Variants in DNAH14 observed in about 807,000 individuals in gnomAD.
DNAH14 encodes the protein axonemal beta dynein heavy chain 14.
Under a neutral mutation model 520.9 loss-of-function variants are expected in DNAH14, and 478 were observed. That is an observed-to-expected ratio of 0.92 (90% CI 0.85 to 0.99). The LOEUF (loss-of-function observed/expected upper bound fraction) is 0.99, where lower values mean the gene tolerates loss of function less well. Ranked by LOEUF, DNAH14 falls within the 50% of genes least tolerant of loss-of-function variation. The pLI is 0.00. For synonymous variants in DNAH14, 1,581 were observed against 1,757.2 expected (o/e 0.90, Z 2.51); for missense variants, 4,831 against 5,234.5 (o/e 0.92, Z 2.38).
chr1:225,069,629 T>C (rs572747661), intron 17 of DNAH14, among the ~76,000 whole-genome samples: 7 of 152,312 alleles, frequency 4.6e-5, no homozygotes, highest in Admixed American at 2.0e-4. Context: ...GTTGAGGACT[T>C]TTGCACTGGT....
At chr1:225,358,835 A>G (rs931542328) in intron 74 of DNAH14, among the ~76,000 whole-genome samples, 183 bp downstream of exon 74, 8 of 152,070 alleles carry the variant, frequency 5.3e-5, no homozygotes, top group Non-Finnish European at 8.8e-5. Flanking sequence ...GAGTCTCTTG[A>G]GATCTGATGA....
chr1:225,241,233 T>C (rs1279697623), intron 43 of DNAH14, among the ~76,000 whole-genome samples: 6 of 152,208 alleles, frequency 3.9e-5, no homozygotes, highest in African/African-American at 1.4e-4. Context: ...GTACTTGTGC[T>C]TTTTGAATCG....
In DNAH14 at chr1:225,374,733, A is replaced by T. The variant is rs1475923339; in HGVS notation, c.12364A>T (p.Ile4122Phe). The T allele has an allele frequency of 1.9e-6, 3 of 1,551,198 alleles. No homozygotes were observed. Residue 4122 changes from isoleucine to phenylalanine, a missense_variant, in exon 78 of 86, where the codon ATT becomes TTT. Physicochemically the swap from Ile to Phe is conservative, Grantham distance 21. Coordinates refer to ENST00000682510, the MANE Select transcript of DNAH14 (RefSeq NM_001367479.1). ...AAATTCCCTGAGAGGACAGCCCAGC[A>T]TTTCGTGGCAAGCACTGCGCTACCT... Reference protein sequence around the residue: ...LENSLRGQPSISWQALRYLIG... With the variant: ...LENSLRGQPSFSWQALRYLIG...
intron 55 of DNAH14, among the ~76,000 whole-genome samples, chr1:225,290,982 C>T (rs2093874985): frequency 1.3e-5 from 2 of 151,904 alleles, no homozygotes; most frequent in African/African-American, 4.8e-5. Context: ...TCCTCTCTAG[C>T]TGTAATTTTG....
At chr1:225,270,572 AT>A (rs2149827635) in intron 49 of DNAH14, among the ~76,000 whole-genome samples, 162 bp from the exon 50 acceptor site, 1 of 152,324 alleles carries the variant, frequency 6.6e-6, no homozygotes, top group East Asian at 1.9e-4. Context: ...TCTAAGATAG[AT>A]TTCTATTACC....
At chr1:225,215,236 C>G (rs1256602615) in intron 41 of DNAH14, among the ~76,000 whole-genome samples, 1 of 152,118 alleles carries the variant, frequency 6.6e-6, no homozygotes, top group African/African-American at 2.4e-5. Flanking sequence ...TTTGTTAATC[C>G]TGAGTTGTAA....
chr1:224,942,359 C>G (rs192324518), intron 1 of DNAH14, among the ~76,000 whole-genome samples: 4 of 152,114 alleles, frequency 2.6e-5, no homozygotes, highest in African/African-American at 9.7e-5. Context: ...GATTTTGTAT[C>G]CTGGGACTTT....
At chr1:225,083,643 A>G (rs2073396239) in intron 20 of DNAH14, among the ~76,000 whole-genome samples, 1 of 152,074 alleles carries the variant, frequency 6.6e-6, no homozygotes. Flanking sequence ...CATTCTTCCA[A>G]TTGTTTACAC....
At chr1:225,078,693 C>T (rs1204066217) in intron 17 of DNAH14, among the ~76,000 whole-genome samples, 1 of 151,668 alleles carries the variant, frequency 6.6e-6, no homozygotes, top group Non-Finnish European at 1.5e-5. Flanking sequence ...GGGTGGACTT[C>T]CCCCTTGCTG....
chr1:225,257,037 A>AC (rs1233804226), intron 44 of DNAH14, among the ~76,000 whole-genome samples: 3 of 152,270 alleles, frequency 2.0e-5, no homozygotes, highest in East Asian at 1.9e-4. Context: ...ATCAGCAGAG[A>AC]CCCCCAGGCA....
At chr1:225,057,401 T>G (rs912754002) in intron 17 of DNAH14, among the ~76,000 whole-genome samples, 1 of 152,204 alleles carries the variant, frequency 6.6e-6, no homozygotes, top group African/African-American at 2.4e-5. Context: ...TTTGCTAAAG[T>G]TGCCTATCAG....
chr1:225,230,837 G>A (rs866243325), intron 41 of DNAH14, among the ~76,000 whole-genome samples: 1 of 152,148 alleles, frequency 6.6e-6, no homozygotes, highest in African/African-American at 2.4e-5. Context: ...AAGAATGAAT[G>A]TATGCAGCTT....
At chr1:225,011,085 T>TG (rs769910601) in intron 10 of DNAH14, among the ~76,000 whole-genome samples, 51 of 152,248 alleles carry the variant, frequency 3.3e-4, no homozygotes, top group Admixed American at 8.5e-4. Context: ...TTTTTTTGTG[T>TG]GTCTCTATTT....
intron 21 of DNAH14, among the ~76,000 whole-genome samples, chr1:225,092,697 T>C (rs1410508620): frequency 6.6e-6 from 1 of 151,698 alleles, no homozygotes. Flanking sequence ...CTGAAGGAAA[T>C]TGAGATGTGG....
At chr1:224,980,718 C>G (rs2062203113) in intron 8 of DNAH14, among the ~76,000 whole-genome samples, 1 of 152,172 alleles carries the variant, frequency 6.6e-6, no homozygotes, top group Non-Finnish European at 1.5e-5. Flanking sequence ...AGGACACAAG[C>G]CTGGCTGGCT....
At chr1:224,936,196 A>G (rs1353186267) in intron 1 of DNAH14, among the ~76,000 whole-genome samples, 1 of 151,874 alleles carries the variant, frequency 6.6e-6, no homozygotes, top group East Asian at 1.9e-4. Context: ...AAATTAGTAG[A>G]AGAAAAGAAA....
At chr1:225,075,596 G>A (rs1187751936) in intron 17 of DNAH14, among the ~76,000 whole-genome samples, 1 of 152,084 alleles carries the variant, frequency 6.6e-6, no homozygotes, top group Non-Finnish European at 1.5e-5. Flanking sequence ...GGGTGTGGTG[G>A]TGTTTACCTG....
At chr1:225,038,648 ATAAATGATTTT>A (rs2067182916) in intron 11 of DNAH14, 35 bp from the exon 12 acceptor site, 3 of 1,494,340 alleles carry the variant, frequency 2.0e-6, no homozygotes, top group African/African-American at 1.4e-5. Flanking sequence ...ATATGTAGAT[ATAAATGATTTT>A]TAAATGATTT....
At chr1:225,026,216 C>T (rs369188556) in intron 11 of DNAH14, among the ~76,000 whole-genome samples, 7 of 150,620 alleles carry the variant, frequency 4.6e-5, no homozygotes, top group East Asian at 1.9e-4. Flanking sequence ...TAATAGTATC[C>T]TTTGGAGTAA....
Sources: gnomAD v4.1 joint callset for allele counts (sites outside exome capture counted in the v4.1 genomes callset) on GRCh38, gnomAD v4.1.1 for gene constraint, MANE v1.5 for transcripts, NCBI Gene and HGNC (gene_info 2026-07-23, HGNC 2026-07-21) for gene names.